GART: variants seen among roughly 807,000 people sequenced by gnomAD.
GART encodes the protein trifunctional purine biosynthetic protein adenosine-3.
A neutral mutation model predicts 107.2 loss-of-function variants in GART; 43 were observed. The observed-to-expected ratio is 0.40, with a 90% CI of 0.31 to 0.52. The LOEUF is 0.52. Ranked by LOEUF, GART falls within the 20% of genes least tolerant of loss-of-function variation. GART has a pLI of 0.52. For synonymous variants in GART, 434 were observed against 427.0 expected (o/e 1.02, Z -0.20); for missense variants, 1,107 against 1,206.5 (o/e 0.92, Z 1.22).
chr21:33,535,609 C>T (rs1601228253), intron 2 of GART, among the ~76,000 whole-genome samples: 1 of 152,140 alleles, frequency 6.6e-6, no homozygotes, highest in African/African-American at 2.4e-5. Context: ...GTTCACGTCA[C>T]TAATATTGAC....
intron 16 of GART, among the ~76,000 whole-genome samples, chr21:33,516,210 T>A (rs1422433278): frequency 7.5e-6 from 1 of 133,990 alleles, no homozygotes; most frequent in African/African-American, 2.8e-5. Flanking sequence ...ATTGCGCCAC[T>A]ATACTCCAGC....
chr21:33,504,345 T>C (rs2145665780), intron 21 of GART, 30 bp from the exon 22 acceptor site: 1 of 1,612,052 alleles, frequency 6.2e-7, no homozygotes, highest in South Asian at 1.1e-5. Flanking sequence ...TTTTGAACAT[T>C]ACCTTCTAGC....
chr21:33,528,760 A>T, intron 8 of GART, 90 bp downstream of exon 8: 2 of 1,074,682 alleles, frequency 1.9e-6, no homozygotes, highest in East Asian at 2.6e-5. Context: ...AAGTGGTAAA[A>T]AAAAAAAAAA....
At chr21:33,506,605 G>T (rs1240490690) in intron 18 of GART, among the ~76,000 whole-genome samples, 2 of 152,140 alleles carry the variant, frequency 1.3e-5, no homozygotes, top group Non-Finnish European at 2.9e-5. Flanking sequence ...TATAGCAATG[G>T]AAACAATCAA....
rs1220181675 is a variant in GART, at chr21:33,534,255, C to T, written c.416+324G>A. ...TGAGACAGGGTCTCACTCTGTCACC[C>T]AGGCTGCAGTGCAGTGGCACAATCT... On this transcript the variant is annotated intron_variant, in intron 4 of 21. Transcript: ENST00000381815. Among the ~76,000 whole-genome samples the T allele has an allele frequency of 3.3e-5, 5 of 152,148 alleles. No individual in the cohort carries two copies. The East Asian group carries it at 9.6e-4, about 29-fold the overall frequency.
At chr21:33,513,749 T>C (rs989212758) in intron 16 of GART, among the ~76,000 whole-genome samples, 3 of 152,180 alleles carry the variant, frequency 2.0e-5, no homozygotes, top group Non-Finnish European at 4.4e-5. Context: ...TAAATAGTGG[T>C]ACATCTGTAA....
At chr21:33,528,684 C>T in intron 8 of GART, 80 bp from the exon 9 acceptor site, 1 of 1,021,882 alleles carries the variant, frequency 9.8e-7, no homozygotes, top group Non-Finnish European at 1.4e-6. Flanking sequence ...ATAAAATCTA[C>T]TACATAAACT....
At chr21:33,537,152 C>T (rs2085322035) in intron 2 of GART, among the ~76,000 whole-genome samples, 1 of 152,164 alleles carries the variant, frequency 6.6e-6, no homozygotes, top group African/African-American at 2.4e-5. Context: ...TCTTACAAGA[C>T]TACTTGTAGT....
At chr21:33,532,030 G>A in intron 5 of GART, 1 of 299,308 alleles carries the variant, frequency 3.3e-6, no homozygotes, top group Non-Finnish European at 6.2e-6. Flanking sequence ...CGGGACATGT[G>A]GGACAAATAC....
Position 33,504,210 on chromosome 21 carries a change from T to C in GART, c.2947A>G (p.Ile983Val), listed in dbSNP as rs767128759. 14 of 1,614,090 alleles carry C rather than the reference T, an allele frequency of 8.7e-6. No homozygotes were observed. In the Admixed American group the frequency reaches 1.3e-4, roughly 15 times the overall value. The change falls in exon 22 of 22, where the codon ATA (isoleucine) becomes GTA (valine). Residue 983 changes from isoleucine to valine, a missense_variant. Physicochemically the swap from Ile to Val is conservative, Grantham distance 29 (BLOSUM62 3). Transcript: ENST00000381815. ...ACCAGCTGAAGGGCTGCAGGAAATA[T>C]TTTATGTTCTGCTAATTTTACTCTT... ...SERVKLAEHK[I>V]FPAALQLVAS...
At chr21:33,509,330 T>G (rs1287496736) in intron 18 of GART, 1 of 153,334 alleles carries the variant, frequency 6.5e-6, no homozygotes, top group Non-Finnish European at 1.5e-5. Flanking sequence ...TACTGAATAT[T>G]TGCAAGAATG....
chr21:33,506,418 A>G (rs1173966899), intron 18 of GART, among the ~76,000 whole-genome samples: 1 of 152,192 alleles, frequency 6.6e-6, no homozygotes, highest in Non-Finnish European at 1.5e-5. Context: ...TTGGGATTAC[A>G]GGCATGAGCC....
In GART at chr21:33,535,280, G is replaced by T; in HGVS notation, c.186C>A (p.Cys62Ter). The change falls in exon 3 of 22, where the codon TGC becomes TGA. Residue 62 changes from cysteine (C) to a stop codon, truncating the protein, a stop_gained. Coordinates refer to ENST00000381815, the MANE Select transcript of GART (RefSeq NM_000819.5). LOFTEE classifies it high-confidence loss of function. Reference protein sequence around the residue: ...ISDHTALAQFCKEKKIEFVVV... With the variant: ...ISDHTALAQF ...CTACAAATTCAATTTTCTTCTCTTT[G>T]CAGAATTGAGCAAGGGCAGTGTGGT... 1 of 1,466,102 alleles carries T rather than the reference G, an allele frequency of 6.8e-7. No individual in the cohort carries two copies. The highest frequency in any genetic ancestry group is 9.2e-7 in the Non-Finnish European group (1 of 1,092,148). The allele number at this position is 1,466,102 out of a possible 1,614,324, so 90.8% of individuals were successfully genotyped here. A position where few individuals can be genotyped will look rare whatever the true frequency, so the allele number is the denominator to read the frequency against.
intron 11 of GART, among the ~76,000 whole-genome samples, chr21:33,523,827 C>A (rs932078989): frequency 5.9e-5 from 9 of 151,944 alleles, no homozygotes; most frequent in Non-Finnish European, 1.3e-4. Flanking sequence ...ATTAGCTGGG[C>A]ACGGTGGCAG....
chr21:33,530,900 A>G lies in GART; in HGVS notation c.598-16T>C. 1 of 1,515,104 alleles carries G rather than the reference A, an allele frequency of 6.6e-7. No individual in the cohort carries two copies. The highest frequency in any genetic ancestry group is 8.7e-7 in the Non-Finnish European group (1 of 1,144,570). The allele number at this position is 1,515,104 out of a possible 1,614,324, so 93.9% of individuals were successfully genotyped here. ...AACACAGACACTATAAAGAAAACAA[A>G]ATAGTCCATTTATGTTAACTGTCAA... On this transcript the variant is annotated splice_polypyrimidine_tract_variant and intron_variant, in intron 6 of 21. Transcript: ENST00000381815.
chr21:33,536,808 G>A (rs2085314729), intron 2 of GART, among the ~76,000 whole-genome samples: 1 of 152,210 alleles, frequency 6.6e-6, no homozygotes, highest in African/African-American at 2.4e-5. Context: ...CACGTCTCAG[G>A]TTGGACGGCA....
chr21:33,535,900 C>A (rs2085296021), intron 2 of GART, among the ~76,000 whole-genome samples: 1 of 152,040 alleles, frequency 6.6e-6, no homozygotes, highest in Non-Finnish European at 1.5e-5. Context: ...TGGGGGCATG[C>A]ACCTGTAATC....
rs774643815 is a variant in GART, at chr21:33,522,307, A to G, written c.1299-25T>C. The stretch of plus-strand genomic sequence containing the variant: ...CCTAAAGAATTAAAAACAAGTCATC[A>G]CCTAAACGTCAGGGAAAATTATTTT... On this transcript the variant is annotated intron_variant, in intron 11 of 21. Coordinates refer to ENST00000381815, the MANE Select transcript of GART (RefSeq NM_000819.5). The G allele has an allele frequency of 4.1e-6, 6 of 1,479,684 alleles. No homozygotes were observed. In the South Asian group the frequency reaches 5.7e-5, roughly 14 times the overall value. 91.7% of individuals were successfully genotyped at this position (1,479,684 alleles called of 1,614,324 possible).
At position 33,512,391 on chromosome 21, in the gene GART, C is replaced by T. The variant is rs1323751462; in HGVS notation, c.2108-933G>A. The stretch of plus-strand genomic sequence containing the variant: ...TTAGGTAAAGGTCTATATACACACA[C>T]ACAACATTTCTGAATTTAAAAAGAA... On this transcript the variant is annotated intron_variant, in intron 16 of 21. Coordinates refer to ENST00000381815, the MANE Select transcript of GART (RefSeq NM_000819.5). Among the ~76,000 whole-genome samples, 5 of 149,024 alleles carry T rather than the reference C, an allele frequency of 3.4e-5. No individual in the cohort carries two copies. The East Asian group carries it at 9.8e-4, about 29-fold the overall frequency.
Sources: allele counts gnomAD v4.1 joint callset (sites outside exome capture counted in the v4.1 genomes callset), GRCh38; gene constraint gnomAD v4.1.1; transcripts MANE v1.5; gene names NCBI Gene and HGNC (gene_info 2026-07-23, HGNC 2026-07-21).